Variants in EPS15 observed in about 807,000 individuals in gnomAD.
EPS15 encodes epidermal growth factor receptor pathway substrate 15, also known as epidermal growth factor receptor substrate 15.
Under a neutral mutation model 113.8 loss-of-function variants are expected in EPS15, and 72 were observed. The observed-to-expected ratio is 0.63, with a 90% CI of 0.52 to 0.77. The LOEUF (loss-of-function observed/expected upper bound fraction) is 0.77. Ranked by LOEUF, EPS15 falls within the 30% of genes least tolerant of loss-of-function variation. The pLI, the probability that EPS15 is intolerant of heterozygous loss-of-function variation, is 0.00. For synonymous variants in EPS15, 344 were observed against 363.4 expected, an observed-to-expected ratio of 0.95 and a Z score of 0.61; for missense variants, 1,048 against 1,045.8, an observed-to-expected ratio of 1.00 and a Z score of -0.03.
At chr1:51,363,587 T>G (rs921509523) in intron 23 of EPS15, among the ~76,000 whole-genome samples, 3 of 152,102 alleles carry the variant, frequency 2.0e-5, no homozygotes, top group Non-Finnish European at 4.4e-5. Flanking sequence ...CTTGACACTT[T>G]CCCTTTTCCA....
At chr1:51,422,820 G>A (rs896519063) in intron 12 of EPS15, among the ~76,000 whole-genome samples, 2 of 152,190 alleles carry the variant, frequency 1.3e-5, no homozygotes, top group African/African-American at 2.4e-5. Flanking sequence ...GGGGTCGCAG[G>A]GAAAGGTAAA....
At chr1:51,446,448 T>C (rs1653053602) in intron 10 of EPS15, among the ~76,000 whole-genome samples, 1 of 149,474 alleles carries the variant, frequency 6.7e-6, no homozygotes, top group African/African-American at 2.5e-5. Flanking sequence ...ACTGACACTG[T>C]CATTCTTTTT....
intron 19 of EPS15, among the ~76,000 whole-genome samples, chr1:51,399,728 G>A (rs1319874759): frequency 2.0e-5 from 3 of 152,100 alleles, no homozygotes; most frequent in Non-Finnish European, 4.4e-5. Flanking sequence ...GCGTGGTGGT[G>A]CGCGCCCGTA....
intron 1 of EPS15, among the ~76,000 whole-genome samples, chr1:51,517,836 T>C (rs1045512189): frequency 2.6e-5 from 4 of 152,176 alleles, no homozygotes; most frequent in African/African-American, 9.6e-5. Context: ...GGTTAGTTAT[T>C]TTACATGAAG....
rs1646194007 is a variant in EPS15, at chr1:51,355,217, A to G, written c.*1483T>C. ...TGTGTAATGGAAAGAAAACAAAACA[A>G]GCACCATTTCAAGAAGAAATGAATT... is the stretch of plus-strand genomic sequence containing the variant. On this transcript the variant is annotated 3_prime_UTR_variant, in exon 25 of 25. Coordinates refer to ENST00000371733, the MANE Select transcript of EPS15 (RefSeq NM_001981.3). 4.5e-6 allele frequency: 1 copy of G among 220,230 alleles called. No individual in the cohort carries two copies. The highest frequency in any genetic ancestry group is 1.8e-4 in the South Asian group (1 of 5,406). The allele number at this position is 220,230 out of a possible 1,614,324, so 13.6% of individuals were successfully genotyped here. A position where few individuals can be genotyped will look rare whatever the true frequency, so the allele number is the denominator to read the frequency against.
At chr1:51,368,965 T>C (rs888545920) in intron 21 of EPS15, among the ~76,000 whole-genome samples, 6 of 152,130 alleles carry the variant, frequency 3.9e-5, no homozygotes, top group Non-Finnish European at 1.5e-5. Context: ...CCCTGACTGC[T>C]GACAAGGGAA....
intron 2 of EPS15, among the ~76,000 whole-genome samples, chr1:51,477,064 G>C (rs1311890336): frequency 6.6e-6 from 1 of 152,182 alleles, no homozygotes; most frequent in Non-Finnish European, 1.5e-5. Context: ...GTAGAATTCG[G>C]TTGTGAATCC....
chr1:51,470,669 A>C (rs1655173060), intron 4 of EPS15, among the ~76,000 whole-genome samples: 1 of 148,694 alleles, frequency 6.7e-6, no homozygotes, highest in East Asian at 1.9e-4. Flanking sequence ...AAAAAAAAAA[A>C]ATCTATGCTT....
At chr1:51,415,056 A>G (rs1570251156) in intron 13 of EPS15, among the ~76,000 whole-genome samples, 1 of 152,198 alleles carries the variant, frequency 6.6e-6, no homozygotes, top group Non-Finnish European at 1.5e-5. Flanking sequence ...AATATAAAAT[A>G]TAAAAATACC....
At chr1:51,420,768 C>T (rs1011142622) in intron 13 of EPS15, among the ~76,000 whole-genome samples, 1 of 152,134 alleles carries the variant, frequency 6.6e-6, no homozygotes, top group Non-Finnish European at 1.5e-5. Flanking sequence ...CAAGAAGTCT[C>T]TCTGGCTTCT....
At chr1:51,431,023 CACACAA>C (rs1271061939) in intron 12 of EPS15, among the ~76,000 whole-genome samples, 2,637 of 117,306 alleles carry the variant, frequency 0.022, 48 homozygotes, top group African/African-American at 0.063. Context: ...CACACACACA[CACACAA>C]AAATAAAACT....
chr1:51,418,254 G>A (rs1201324096), intron 13 of EPS15, among the ~76,000 whole-genome samples: 1 of 152,030 alleles, frequency 6.6e-6, no homozygotes, highest in Non-Finnish European at 1.5e-5. Context: ...TTATGGAGAA[G>A]GAAAGAAAGG....
chr1:51,389,419 T>C (rs1006178122), intron 21 of EPS15, among the ~76,000 whole-genome samples: 55 of 152,356 alleles, frequency 3.6e-4, no homozygotes, highest in African/African-American at 1.2e-3. Flanking sequence ...AAGACAGGGA[T>C]GCCCTCTCTC....
At chr1:51,471,974 ACTTT>A (rs755012436) in intron 3 of EPS15, among the ~76,000 whole-genome samples, 32 of 151,700 alleles carry the variant, frequency 2.1e-4, no homozygotes, top group African/African-American at 7.0e-4. Flanking sequence ...AAATCCATAA[ACTTT>A]CTTTAAGAAA....
At chr1:51,422,552 C>T (rs1448279997) in intron 12 of EPS15, among the ~76,000 whole-genome samples, 1 of 152,218 alleles carries the variant, frequency 6.6e-6, no homozygotes, top group Non-Finnish European at 1.5e-5. Flanking sequence ...CTGGGCTCCG[C>T]TTTTACTTTG....
chr1:51,423,506 C>T (rs1330457392), intron 12 of EPS15: 10 of 985,268 alleles, frequency 1.0e-5, no homozygotes, highest in Non-Finnish European at 1.1e-5. Flanking sequence ...AGATAAGTCA[C>T]ATGAAAATCT....
At chr1:51,449,546 C>T (rs1465674275) in intron 8 of EPS15, among the ~76,000 whole-genome samples, 2 of 149,276 alleles carry the variant, frequency 1.3e-5, no homozygotes, top group African/African-American at 2.6e-5. Context: ...ATATAACAAA[C>T]CTGTACATGT....
chr1:51,474,313 C>T (rs988821786), intron 2 of EPS15, among the ~76,000 whole-genome samples: 1 of 152,194 alleles, frequency 6.6e-6, no homozygotes, highest in African/African-American at 2.4e-5. Context: ...TAGTCTGTAT[C>T]TATAAGACAT....
chr1:51,399,141 T>C lies in EPS15; in HGVS notation c.1943A>G (p.Lys648Arg). The change falls in exon 20 of 25, where the codon AAA becomes AGA. Residue 648 changes from lysine (K) to arginine (R), a missense_variant. Lys to Arg is a conservative substitution (Grantham distance 26, BLOSUM62 2). Transcript: ENST00000371733. Reference sequence around the variant, plus strand: ...GTCTGATGCAAATGGATCTGAACCTTTGAAAGGATCACCACCAAATGGATC... The same window carrying C: ...GTCTGATGCAAATGGATCTGAACCTCTGAAAGGATCACCACCAAATGGATC... Reference protein sequence around the residue: ...KIDPFGGDPFKGSDPFASDCF... With the variant: ...KIDPFGGDPFRGSDPFASDCF... 1 of 1,613,948 alleles carries C rather than the reference T, an allele frequency of 6.2e-7. No individual in the cohort carries two copies. The highest frequency in any genetic ancestry group is 8.5e-7 in the Non-Finnish European group (1 of 1,179,946).
Sources: gnomAD v4.1 joint callset for allele counts (sites outside exome capture counted in the v4.1 genomes callset) on GRCh38, gnomAD v4.1.1 for gene constraint, MANE v1.5 for transcripts, NCBI Gene and HGNC (gene_info 2026-07-23, HGNC 2026-07-21) for gene names.